STX5: variants seen among roughly 807,000 people sequenced by gnomAD.
STX5 encodes the protein syntaxin 5, also known as syntaxin-5.
A neutral mutation model predicts 42.9 loss-of-function variants in STX5; 15 were observed. That is an observed-to-expected ratio of 0.35 (90% CI 0.23 to 0.54). STX5 has a LOEUF of 0.54. Ranked by LOEUF, STX5 falls within the 20% of genes least tolerant of loss-of-function variation. The pLI is 0.91. For missense variants in STX5, 430 were observed against 455.0 expected, an observed-to-expected ratio of 0.95 and a Z score of 0.50; for synonymous variants, 184 against 173.2, an observed-to-expected ratio of 1.06 and a Z score of -0.49.
At chr11:62,811,568 G>T (rs2084617136) in intron 10 of STX5, among the ~76,000 whole-genome samples, 1 of 151,716 alleles carries the variant, frequency 6.6e-6, no homozygotes, top group African/African-American at 2.4e-5. Flanking sequence ...TTTTGGGCTG[G>T]CATTCCCTCC....
chr11:62,818,955 C>T (rs1015058595), intron 10 of STX5, among the ~76,000 whole-genome samples: 8 of 151,966 alleles, frequency 5.3e-5, no homozygotes, highest in African/African-American at 1.9e-4. Flanking sequence ...TGCGGTGGCT[C>T]GTGCCTGTAA....
chr11:62,826,660 G>A (rs368784116), intron 5 of STX5, among the ~76,000 whole-genome samples: 15 of 152,128 alleles, frequency 9.9e-5, no homozygotes, highest in African/African-American at 3.6e-4. Flanking sequence ...AGGCCAAGGT[G>A]GGCGGCTCAC....
chr11:62,814,917 T>C (rs2084657025), intron 10 of STX5, among the ~76,000 whole-genome samples: 1 of 152,062 alleles, frequency 6.6e-6, no homozygotes, highest in African/African-American at 2.4e-5. Context: ...TTTAAAAAGC[T>C]ATTAAACAGT....
Position 62,825,498 on chromosome 11 carries a change from A to C in STX5, c.465T>G (p.Asp155Glu). 6.2e-7 allele frequency: 1 copy of C among 1,613,880 alleles called. No individual in the cohort carries two copies. Among genetic ancestry groups the C allele is most frequent in the South Asian group, 1.1e-5 (1 of 91,054 alleles). ...SLNKQIAQLQDFVRAKGSQSG... is the reference protein window; with the variant it reads ...SLNKQIAQLQEFVRAKGSQSG... Reference sequence around the variant, plus strand: ...TCTGGCTGCCCTTGGCTCTCACGAAATCCTGGAGCTGAGCAATTTGTTTGT... The same window carrying C: ...TCTGGCTGCCCTTGGCTCTCACGAACTCCTGGAGCTGAGCAATTTGTTTGT... The change falls in exon 6 of 11, where the codon GAT becomes GAG. Residue 155 changes from aspartate to glutamate, a missense_variant. Physicochemically the swap from Asp to Glu is conservative, Grantham distance 45 (BLOSUM62 2). Transcript: ENST00000294179.
At chr11:62,826,567 T>TA (rs1555007508) in intron 5 of STX5, among the ~76,000 whole-genome samples, 3 of 148,920 alleles carry the variant, frequency 2.0e-5, no homozygotes, top group Non-Finnish European at 4.4e-5. Flanking sequence ...CAAAAAATAA[T>TA]AATAAATAAA....
rs186777324 is a variant in STX5, at chr11:62,818,346, C to T, written c.908+5820G>A. ...CGGAAGTGGGAGGATCACTTGAGGT[C>T]AGGAGTTCAAAACCAGCCTGGCCAA... On this transcript the variant is annotated intron_variant, in intron 10 of 10. Transcript: ENST00000294179. Among the ~76,000 whole-genome samples, 227 of 150,804 alleles carry T rather than the reference C, an allele frequency of 1.5e-3. 1 individual carries two copies. The highest frequency in any genetic ancestry group is 5.4e-3 in the African/African-American group (220 of 41,028).
intron 5 of STX5, among the ~76,000 whole-genome samples, chr11:62,825,868 G>A (rs569220716): frequency 2.6e-5 from 4 of 152,134 alleles, no homozygotes; most frequent in South Asian, 2.1e-4. Context: ...CCAAAATCTC[G>A]GGTCTAGGGC....
chr11:62,827,079 A>C, intron 5 of STX5, 76 bp downstream of exon 5: 1 of 1,426,406 alleles, frequency 7.0e-7, no homozygotes, highest in South Asian at 1.2e-5. Context: ...CTGGGTCCCC[A>C]TGGCAATGGA....
chr11:62,807,853 A>T, intron 10 of STX5: 1 of 764,412 alleles, frequency 1.3e-6, no homozygotes, highest in Non-Finnish European at 2.0e-6. Flanking sequence ...TCTAACTTCA[A>T]GCTTCATTTT....
chr11:62,820,163 G>A (rs1300589047), intron 10 of STX5, among the ~76,000 whole-genome samples: 1 of 151,434 alleles, frequency 6.6e-6, no homozygotes, highest in African/African-American at 2.4e-5. Flanking sequence ...AAGGTCAGGA[G>A]ATCGAGACCA....
At chr11:62,831,434 CCT>C (rs2084862132) in intron 1 of STX5, among the ~76,000 whole-genome samples, 172 bp from the exon 2 acceptor site, 1 of 152,116 alleles carries the variant, frequency 6.6e-6, no homozygotes, top group African/African-American at 2.4e-5. Context: ...CCGCTTTTCC[CCT>C]GTCCCAAGTC....
At chr11:62,830,553 CAAAACA>C (rs1465894361) in intron 2 of STX5, 4 of 457,176 alleles carry the variant, frequency 8.7e-6, no homozygotes, top group African/African-American at 2.0e-5. Context: ...GATCTCAAAA[CAAAACA>C]AAAACAACAA....
At chr11:62,828,703 G>A (rs775323603) in intron 2 of STX5, among the ~76,000 whole-genome samples, 54 of 150,302 alleles carry the variant, frequency 3.6e-4, no homozygotes, top group Non-Finnish European at 5.8e-4. Flanking sequence ...TCCAGCCTGG[G>A]TGACAGAGCG....
intron 5 of STX5, among the ~76,000 whole-genome samples, chr11:62,826,675 G>C (rs1193704504): frequency 6.6e-6 from 1 of 151,988 alleles, no homozygotes; most frequent in Non-Finnish European, 1.5e-5. Flanking sequence ...GCTCACTTGA[G>C]GTCAGGAGTT....
Position 62,807,423 on chromosome 11 carries a change from C to G in STX5, c.*46G>C. 1 of 1,599,072 alleles carries G rather than the reference C, an allele frequency of 6.3e-7. No homozygotes were observed. The highest frequency in any genetic ancestry group is 1.1e-5 in the South Asian group (1 of 89,456). ...TGGCAGCACTGGCCACTTGCCTTCCCAGGAGGGTCCCAAACCCCAACAGAG... is the reference window on the plus strand; with the variant it reads ...TGGCAGCACTGGCCACTTGCCTTCCGAGGAGGGTCCCAAACCCCAACAGAG... On this transcript the variant is annotated 3_prime_UTR_variant, in exon 11 of 11. Coordinates refer to ENST00000294179, the MANE Select transcript of STX5 (RefSeq NM_003164.5).
At chr11:62,831,913 G>A in intron 1 of STX5, 41 bp downstream of exon 1, 2 of 457,340 alleles carry the variant, frequency 4.4e-6, no homozygotes, top group South Asian at 1.5e-5. Context: ...CTGCCCCAGA[G>A]CTGACACGGC....
chr11:62,812,834 C>T (rs1008842893), intron 10 of STX5, among the ~76,000 whole-genome samples: 5 of 151,032 alleles, frequency 3.3e-5, no homozygotes, highest in African/African-American at 4.9e-5. Flanking sequence ...TCAATTAGGC[C>T]GGGTGCGGTG....
In STX5 at chr11:62,807,494, A is replaced by G; in HGVS notation, c.1043T>C (p.Ile348Thr). 1.2e-6 allele frequency: 2 copies of G among 1,614,092 alleles called. No individual in the cohort carries two copies. Among genetic ancestry groups the G allele is most frequent in the Non-Finnish European group, 1.7e-6 (2 of 1,180,014 alleles). Residue 348 changes from isoleucine (I) to threonine (T), a missense_variant, in exon 11 of 11, where the codon ATC becomes ACC. Transcript: ENST00000294179. Reference sequence around the variant, plus strand: ...TCAAGCAAGGAAGACCACAAAGATGATGAAGAAGACAATGAGGATGAGGAA... The same window carrying G: ...TCAAGCAAGGAAGACCACAAAGATGGTGAAGAAGACAATGAGGATGAGGAA... ...KIFLILIVFF[I>T]IFVVFLA is the part of the protein sequence containing the mutation.
chr11:62,807,532 G>A lies in STX5; in HGVS notation c.1005C>T (p.Leu335=). The stretch of plus-strand genomic sequence containing the variant: ...TGAGGATGAGGAAGATTTTGACCAT[G>A]AGCCACCGGTTGGAGGTGACAGACT... ...YFQSVTSNRW[L]MVKIFLILIV... is the part of the protein sequence containing the mutation. The change falls in exon 11 of 11, where the codon CTC becomes CTT. Residue 335 remains leucine, a synonymous_variant. Coordinates refer to ENST00000294179, the MANE Select transcript of STX5 (RefSeq NM_003164.5). 1.9e-6 allele frequency: 3 copies of A among 1,614,150 alleles called. No individual in the cohort carries two copies. Among genetic ancestry groups the A allele is most frequent in the Non-Finnish European group, 2.5e-6 (3 of 1,180,022 alleles).
Sources: allele counts gnomAD v4.1 joint callset (sites outside exome capture counted in the v4.1 genomes callset), GRCh38; gene constraint gnomAD v4.1.1; transcripts MANE v1.5; gene names NCBI Gene and HGNC (gene_info 2026-07-23, HGNC 2026-07-21).